Variants in DMAC2L observed in about 807,000 individuals in gnomAD.
The protein encoded by DMAC2L is distal membrane arm assembly component 2 like.
Under a neutral mutation model 22.5 loss-of-function variants are expected in DMAC2L, and 21 were observed. The observed-to-expected ratio is 0.93, with a 90% CI of 0.66 to 1.34. The LOEUF (loss-of-function observed/expected upper bound fraction) is 1.34. DMAC2L is among the 40% of genes most tolerant of loss of function. DMAC2L has a pLI of 0.00. For synonymous variants in DMAC2L, 86 were observed against 89.5 expected (o/e 0.96, Z 0.22); for missense variants, 239 against 246.5 (o/e 0.97, Z 0.20).
At chr14:50,318,769 T>G (rs149312555) in intron 2 of DMAC2L, among the ~76,000 whole-genome samples, 3 of 152,344 alleles carry the variant, frequency 2.0e-5, no homozygotes, top group South Asian at 2.1e-4. Flanking sequence ...ACCTCTAGTG[T>G]GAAGGCCTTC....
Position 50,322,684 on chromosome 14 carries a change from A to C in DMAC2L, c.281A>C (p.Asp94Ala). ...KYKIQAIDAT[D>A]SCIMSIGFDH... ...AAGATTCAGGCGATCGACGCCACCG[A>C]CTCTTGTATCATGAGCATTGGATTT... Residue 94 changes from aspartate to alanine, a missense_variant, in exon 4 of 6, where the codon GAC (aspartate) becomes GCC (alanine). Physicochemically the swap from Asp to Ala is moderately radical, Grantham distance 126. Transcript: ENST00000557421. The C allele has an allele frequency of 6.2e-7, 1 of 1,613,802 alleles. No individual in the cohort carries two copies. The highest frequency in any genetic ancestry group is 8.5e-7 in the Non-Finnish European group (1 of 1,179,988).
At chr14:50,323,671 G>A (rs1199457057) in intron 4 of DMAC2L, among the ~76,000 whole-genome samples, 1 of 152,214 alleles carries the variant, frequency 6.6e-6, no homozygotes, top group Non-Finnish European at 1.5e-5. Context: ...TGGGATTACA[G>A]GTGTGAGCCA....
At chr14:50,322,184 G>A (rs2032329215) in intron 3 of DMAC2L, among the ~76,000 whole-genome samples, 2 of 152,222 alleles carry the variant, frequency 1.3e-5, no homozygotes, top group African/African-American at 2.4e-5. Context: ...ATAGTCATTC[G>A]TAGAATAGTT....
At chr14:50,316,770 A>G (rs1173364857) in intron 2 of DMAC2L, among the ~76,000 whole-genome samples, 1 of 152,190 alleles carries the variant, frequency 6.6e-6, no homozygotes, top group East Asian at 1.9e-4. Flanking sequence ...TTTTTATACC[A>G]GTACCATGCT....
chr14:50,320,136 C>T (rs1967920), intron 2 of DMAC2L, among the ~76,000 whole-genome samples: 3 of 151,446 alleles, frequency 2.0e-5, no homozygotes, highest in East Asian at 1.9e-4. Context: ...CTGTTGTCCA[C>T]GCTGGAGTGC....
chr14:50,326,457 C>G lies in DMAC2L; in HGVS notation c.*734C>G, dbSNP rs1473297135. ...AAAATTAGAAGCTAAATTACAGATTCATTGATGGAGTCAATTATGCAAAGT... is the reference window on the plus strand; with the variant it reads ...AAAATTAGAAGCTAAATTACAGATTGATTGATGGAGTCAATTATGCAAAGT... On this transcript the variant is annotated 3_prime_UTR_variant, in exon 6 of 6. Transcript: ENST00000557421. The G allele has an allele frequency of 1.5e-5, 15 of 984,970 alleles. No individual in the cohort carries two copies. The highest frequency in any genetic ancestry group is 5.2e-4 in the Middle Eastern group (1 of 1,934). The allele number at this position is 984,970 out of a possible 1,614,324, so 61.0% of individuals were successfully genotyped here. A position where few individuals can be genotyped will look rare whatever the true frequency, so the allele number is the denominator to read the frequency against.
At position 50,322,606 on chromosome 14, in the gene DMAC2L, A is replaced by C; in HGVS notation, c.203A>C (p.Glu68Ala). The change falls in exon 4 of 6, where the codon GAG (glutamate) becomes GCG (alanine). Residue 68 changes from glutamate to alanine, a missense_variant. By Grantham distance (107) the Glu-to-Ala change is moderately radical. Coordinates refer to ENST00000557421, the MANE Select transcript of DMAC2L (RefSeq NM_001382507.1). ...CGAMVRYHGQ[E>A]RWQKDYNHLP... ...GCCATGGTGCGCTACCATGGCCAGG[A>C]GAGGTGGCAGAAGGACTACAACCAC... 6.2e-7 allele frequency: 1 copy of C among 1,614,150 alleles called. No individual in the cohort carries two copies. The highest frequency in any genetic ancestry group is 8.5e-7 in the Non-Finnish European group (1 of 1,180,030).
chr14:50,319,877 C>G (rs1038869835), intron 2 of DMAC2L, among the ~76,000 whole-genome samples: 1 of 152,218 alleles, frequency 6.6e-6, no homozygotes, highest in African/African-American at 2.4e-5. Context: ...TTCAACTCCT[C>G]TAGCCCTTGC....
upstream of DMAC2L, chr14:50,312,110 C>T (rs776223095): frequency 6.2e-7 from 1 of 1,609,252 alleles, no homozygotes; most frequent in East Asian, 2.2e-5. Flanking sequence ...CCCGCGGGCC[C>T]GTCCGCAGGC....
chr14:50,326,875 T>TA lies in DMAC2L; in HGVS notation c.*1159dup, dbSNP rs1041332092. 2 of 502,684 alleles carry TA rather than the reference T, an allele frequency of 4.0e-6. No individual in the cohort carries two copies. Among genetic ancestry groups the TA allele is most frequent in the African/African-American group, 4.2e-5 (2 of 47,652 alleles). 31.1% of individuals were successfully genotyped at this position (502,684 alleles called of 1,614,324 possible). The stretch of plus-strand genomic sequence containing the variant: ...GGGCAACACAGTGAGACCCCATCTC[T>TA]AAAAAAATTTTAAAAATTAGGCAGG... On this transcript the variant is annotated 3_prime_UTR_variant, in exon 6 of 6. Coordinates refer to ENST00000557421, the MANE Select transcript of DMAC2L (RefSeq NM_001382507.1).
Position 50,326,068 on chromosome 14 carries a change from TAAAA to T in DMAC2L, c.*349_*352del, listed in dbSNP as rs1460898774. 2.9e-6 allele frequency: 1 copy of T among 342,376 alleles called. No homozygotes were observed. The allele number at this position is 342,376 out of a possible 1,614,324, so 21.2% of individuals were successfully genotyped here. A position where few individuals can be genotyped will look rare whatever the true frequency, so the allele number is the denominator to read the frequency against. On this transcript the variant is annotated 3_prime_UTR_variant, in exon 6 of 6. Coordinates refer to ENST00000557421, the MANE Select transcript of DMAC2L (RefSeq NM_001382507.1). The stretch of plus-strand genomic sequence containing the variant: ...CAACATGGTGAAACCCCATCTCTAC[TAAAA>T]AAACAAAATTAGCTGAATGTGGTGG...
intron 2 of DMAC2L, among the ~76,000 whole-genome samples, chr14:50,321,092 G>A (rs1237482935): frequency 1.3e-5 from 2 of 152,006 alleles, no homozygotes; most frequent in East Asian, 3.9e-4. Context: ...ACCTTGACAC[G>A]TTGCTCTTTC....
At chr14:50,312,204 A>ACGGC, upstream of DMAC2L, 1 of 1,596,102 alleles carries the variant, frequency 6.3e-7, no homozygotes, top group Non-Finnish European at 8.5e-7. Context: ...TTGACCCTCC[A>ACGGC]CGGCCGAGGA....
chr14:50,312,130 A>G, upstream of DMAC2L: 1 of 1,610,406 alleles, frequency 6.2e-7, no homozygotes, highest in Non-Finnish European at 8.5e-7. Flanking sequence ...CACCAACCAA[A>G]TAACGCAGCG....
In DMAC2L at chr14:50,321,468, G is replaced by C; in HGVS notation, c.-5-15G>C. On this transcript the variant is annotated splice_polypyrimidine_tract_variant and intron_variant, in intron 2 of 5. Coordinates refer to ENST00000557421, the MANE Select transcript of DMAC2L (RefSeq NM_001382507.1). ...CGGATGATGATCTAATGTAAGTACT[G>C]TTTTGTGTGTCTAGATCAAATGATG... 1 of 1,613,192 alleles carries C rather than the reference G, an allele frequency of 6.2e-7. No homozygotes were observed. The highest frequency in any genetic ancestry group is 8.5e-7 in the Non-Finnish European group (1 of 1,179,286).
At chr14:50,315,883 CTT>C (rs2031755453) in intron 2 of DMAC2L, among the ~76,000 whole-genome samples, 1 of 152,048 alleles carries the variant, frequency 6.6e-6, no homozygotes, top group Admixed American at 6.6e-5. Flanking sequence ...GTGCAAGTAT[CTT>C]TTTTGTATAA....
At chr14:50,311,886 G>T, upstream of DMAC2L, 2 of 1,302,054 alleles carry the variant, frequency 1.5e-6, no homozygotes, top group Non-Finnish European at 1.1e-6. Context: ...AGGTTGGAGT[G>T]CCACAGGACC....
chr14:50,322,792 C>G (rs750220709), intron 4 of DMAC2L, 73 bp downstream of exon 4: 14 of 1,601,972 alleles, frequency 8.7e-6, no homozygotes, highest in Non-Finnish European at 1.2e-5. Context: ...AGTTGACTCA[C>G]GATTATAGTC....
chr14:50,317,092 C>T (rs186566274), intron 2 of DMAC2L, among the ~76,000 whole-genome samples: 15 of 152,148 alleles, frequency 9.9e-5, no homozygotes, highest in East Asian at 3.9e-4. Context: ...TTGTTTATGT[C>T]ATCTGTTATT....
Sources: gnomAD v4.1 joint callset for allele counts (sites outside exome capture counted in the v4.1 genomes callset) on GRCh38, gnomAD v4.1.1 for gene constraint, MANE v1.5 for transcripts, NCBI Gene and HGNC (gene_info 2026-07-23, HGNC 2026-07-21) for gene names.